The following CYP20A1 variants were observed in gnomAD, a reference collection of about 807,000 sequenced individuals.
The protein encoded by CYP20A1 is cytochrome P450 family 20 subfamily A member 1.
A neutral mutation model predicts 61.4 loss-of-function variants in CYP20A1; 61 were observed. The observed-to-expected ratio is 0.99, with a 90% CI of 0.81 to 1.23. The LOEUF (loss-of-function observed/expected upper bound fraction) is 1.23. CYP20A1 is among the 50% of genes most tolerant of loss of function. CYP20A1 has a pLI of 0.00. For missense variants in CYP20A1, 530 were observed against 542.4 expected (o/e 0.98, Z 0.23); for synonymous variants, 193 against 188.2 (o/e 1.03, Z -0.21).
chr2:203,296,564 G>A lies in CYP20A1; in HGVS notation c.1238+1G>A. The A allele has an allele frequency of 6.2e-7, 1 of 1,602,080 alleles. No individual in the cohort carries two copies. Among genetic ancestry groups the A allele is most frequent in the Admixed American group, 1.7e-5 (1 of 59,246 alleles). On this transcript the variant is annotated splice_donor_variant, in intron 12 of 12. Transcript: ENST00000356079. LOFTEE classifies it high-confidence loss of function. ...GCACACAGGAGTGTCCAGAGTTGAGGTGAATAATAGAATGCCAGACTCTGT... is the reference window on the plus strand; with the variant it reads ...GCACACAGGAGTGTCCAGAGTTGAGATGAATAATAGAATGCCAGACTCTGT...
At position 203,289,335 on chromosome 2, in the gene CYP20A1, T is replaced by C. The variant is rs557010673; in HGVS notation, c.972-430T>C. On this transcript the variant is annotated intron_variant, in intron 9 of 12. Coordinates refer to ENST00000356079, the MANE Select transcript of CYP20A1 (RefSeq NM_177538.3). ...ACATGAAAGATATATTTACTGAAAA[T>C]ATTTTTCCTAGTTATCTTTAGAAAT... Among the ~76,000 whole-genome samples, 3 of 152,284 alleles carry C rather than the reference T, an allele frequency of 2.0e-5. No individual in the cohort carries two copies. The East Asian group carries it at 5.8e-4, about 29-fold the overall frequency.
At chr2:203,244,042 C>T (rs1313053020) in intron 1 of CYP20A1, among the ~76,000 whole-genome samples, 2 of 152,148 alleles carry the variant, frequency 1.3e-5, no homozygotes, top group East Asian at 3.9e-4. Flanking sequence ...GACCACCCTG[C>T]CTATCTGCCT....
At position 203,305,004 on chromosome 2, in the gene CYP20A1, C is replaced by T. The variant is rs1185964724; in HGVS notation, c.*8096C>T. 1.3e-5 allele frequency among the ~76,000 whole-genome samples: 2 copies of T among 151,958 alleles called. No homozygotes were observed. Among genetic ancestry groups the T allele is most frequent in the East Asian group, 3.9e-4 (2 of 5,164 alleles). On this transcript the variant is annotated 3_prime_UTR_variant, in exon 13 of 13. Coordinates refer to ENST00000356079, the MANE Select transcript of CYP20A1 (RefSeq NM_177538.3). ...TTTTGTAAGAGCTTCAGGGAATAGG[C>T]TTTTTTAAAGGGAATAGACTTATAG...
chr2:203,252,971 G>A (rs1006468782), intron 4 of CYP20A1, among the ~76,000 whole-genome samples: 9 of 151,818 alleles, frequency 5.9e-5, no homozygotes, highest in Admixed American at 2.6e-4. Context: ...AGCCATTTTC[G>A]TCACCTCCAG....
At chr2:203,266,810 GTC>G (rs2067342130) in intron 5 of CYP20A1, 129 bp downstream of exon 5, 2 of 734,958 alleles carry the variant, frequency 2.7e-6, no homozygotes, top group Non-Finnish European at 4.5e-6. Context: ...GTAAAAACGT[GTC>G]TCTACTAAAA....
intron 3 of CYP20A1, among the ~76,000 whole-genome samples, chr2:203,248,051 C>A (rs1442516520): frequency 6.6e-6 from 1 of 151,960 alleles, no homozygotes; most frequent in East Asian, 1.9e-4. Context: ...CATAGTGAGA[C>A]CCCATTGCTA....
At chr2:203,245,727 T>G in intron 1 of CYP20A1, 119 bp from the exon 2 acceptor site, 1 of 527,784 alleles carries the variant, frequency 1.9e-6, no homozygotes, top group South Asian at 3.5e-5. Context: ...ATGGAAATAA[T>G]TTCTTAGATT....
At chr2:203,266,242 A>G (rs750194344) in intron 4 of CYP20A1, among the ~76,000 whole-genome samples, 1 of 152,004 alleles carries the variant, frequency 6.6e-6, no homozygotes, top group African/African-American at 2.4e-5. Flanking sequence ...AGTTTTTTCT[A>G]TCTTTGAGTT....
chr2:203,271,880 G>A (rs956334128), intron 5 of CYP20A1, among the ~76,000 whole-genome samples: 1 of 152,100 alleles, frequency 6.6e-6, no homozygotes, highest in Non-Finnish European at 1.5e-5. Flanking sequence ...ACAAAAATTA[G>A]CTGGGCATGG....
intron 1 of CYP20A1, among the ~76,000 whole-genome samples, chr2:203,242,141 CTAATTTTT>C (rs370981931): frequency 0.013 from 1,950 of 152,066 alleles, 16 homozygotes; most frequent in Non-Finnish European, 0.019. Flanking sequence ...CGTGCCCAAC[CTAATTTTT>C]TAATTTTTTA....
At chr2:203,281,115 C>T (rs2068024920) in intron 8 of CYP20A1, among the ~76,000 whole-genome samples, 1 of 152,100 alleles carries the variant, frequency 6.6e-6, no homozygotes, top group Admixed American at 6.6e-5. Context: ...AGTTTCCTCA[C>T]TTGGTTTTTA....
intron 4 of CYP20A1, 67 bp from the exon 5 acceptor site, chr2:203,266,443 CTACT>C: frequency 7.3e-7 from 1 of 1,374,872 alleles, no homozygotes; most frequent in Non-Finnish European, 1.0e-6. Flanking sequence ...TTAAATGAAT[CTACT>C]TAGTAACATT....
At chr2:203,275,318 A>G (rs2067769181) in intron 6 of CYP20A1, among the ~76,000 whole-genome samples, 1 of 152,238 alleles carries the variant, frequency 6.6e-6, no homozygotes, top group Non-Finnish European at 1.5e-5. Context: ...TTTAATTGAC[A>G]TGACGTGTGA....
intron 4 of CYP20A1, among the ~76,000 whole-genome samples, chr2:203,263,912 AGAG>A (rs1214767443): frequency 1.3e-5 from 2 of 152,028 alleles, no homozygotes; most frequent in Admixed American, 1.3e-4. Flanking sequence ...TTAGCTGCTG[AGAG>A]GAGTTTTCTT....
intron 7 of CYP20A1, among the ~76,000 whole-genome samples, chr2:203,278,957 T>G (rs543084840): frequency 1.0e-3 from 153 of 152,232 alleles, no homozygotes; most frequent in Middle Eastern, 3.4e-3. Flanking sequence ...CATGTTTTTT[T>G]GGGTTTTTTG....
chr2:203,286,792 G>C (rs888883675), intron 9 of CYP20A1, among the ~76,000 whole-genome samples: 2 of 151,928 alleles, frequency 1.3e-5, no homozygotes, highest in Admixed American at 1.3e-4. Context: ...AGGTAAAATG[G>C]GTTAATTTTA....
At chr2:203,293,337 G>A (rs949804232) in intron 11 of CYP20A1, among the ~76,000 whole-genome samples, 4 of 143,394 alleles carry the variant, frequency 2.8e-5, no homozygotes, top group African/African-American at 1.0e-4. Flanking sequence ...TGCCTCAGCC[G>A]CCTCAGTAGC....
intron 5 of CYP20A1, among the ~76,000 whole-genome samples, chr2:203,267,740 A>G (rs1017588672): frequency 1.6e-4 from 24 of 151,374 alleles, no homozygotes; most frequent in African/African-American, 5.6e-4. Flanking sequence ...GCTACTTGGG[A>G]GGCTGAGGCA....
Position 203,266,628 on chromosome 2 carries a change from A to G in CYP20A1, c.547A>G (p.Ser183Gly), listed in dbSNP as rs770697696. 7 of 1,613,800 alleles carry G rather than the reference A, an allele frequency of 4.3e-6. No homozygotes were observed. In the South Asian group the frequency reaches 7.7e-5, roughly 18 times the overall value. ...MKSVTQMVMG[S>G]TFEDDQEVIR... Reference sequence around the variant, plus strand: ...GTCTGTTACACAGATGGTAATGGGTAGTACATTTGAAGATGATCAGGAAGT... The same window carrying G: ...GTCTGTTACACAGATGGTAATGGGTGGTACATTTGAAGATGATCAGGAAGT... The change falls in exon 5 of 13, where the codon AGT (serine) becomes GGT (glycine). Residue 183 changes from serine to glycine, a missense_variant. Ser to Gly is a moderately conservative substitution (Grantham distance 56). Coordinates refer to ENST00000356079, the MANE Select transcript of CYP20A1 (RefSeq NM_177538.3).
Sources: gnomAD v4.1 joint callset for allele counts (sites outside exome capture counted in the v4.1 genomes callset) on GRCh38, gnomAD v4.1.1 for gene constraint, MANE v1.5 for transcripts, NCBI Gene and HGNC (gene_info 2026-07-23, HGNC 2026-07-21) for gene names.